Variants in EYS observed in about 807,000 individuals in gnomAD.
The protein encoded by EYS is protein eyes shut homolog.
EYS carries 250 observed loss-of-function variants against 282.1 expected under a neutral mutation model. That is an observed-to-expected ratio of 0.89 (90% CI 0.80 to 0.98). The LOEUF (loss-of-function observed/expected upper bound fraction) is 0.98. Ranked by LOEUF, EYS falls within the 50% of genes least tolerant of loss-of-function variation. EYS has a pLI of 0.00. For synonymous variants in EYS, 1,355 were observed against 1,282.9 expected (o/e 1.06, Z -1.20); for missense variants, 4,016 against 3,709.0 (o/e 1.08, Z -2.15).
At chr6:64,781,663 C>T (rs1171086143) in intron 22 of EYS, among the ~76,000 whole-genome samples, 2 of 151,496 alleles carry the variant, frequency 1.3e-5, no homozygotes, top group Admixed American at 6.6e-5. Flanking sequence ...AGCCCTTGGG[C>T]GTCATGTTGA....
chr6:65,057,870 T>A (rs1773463869), intron 12 of EYS, 143 bp from the exon 13 acceptor site: 3 of 635,014 alleles, frequency 4.7e-6, no homozygotes, highest in South Asian at 1.9e-5. Flanking sequence ...CCACATATAT[T>A]ACTATCAGAA....
intron 1 of EYS, among the ~76,000 whole-genome samples, chr6:65,670,834 T>G (rs1689651735): frequency 6.6e-6 from 1 of 152,094 alleles, no homozygotes; most frequent in Non-Finnish European, 1.5e-5. Context: ...AGCAAGTTAA[T>G]TACAATCCTT....
At chr6:64,632,752 TA>T (rs374520511) in intron 22 of EYS, among the ~76,000 whole-genome samples, 14 of 152,154 alleles carry the variant, frequency 9.2e-5, no homozygotes, top group African/African-American at 3.4e-4. Context: ...AAGTAGGGGA[TA>T]TTCAGTGAAT....
intron 2 of EYS, among the ~76,000 whole-genome samples, chr6:65,568,083 A>C (rs1764341177): frequency 6.6e-6 from 1 of 152,068 alleles, no homozygotes; most frequent in African/African-American, 2.4e-5. Flanking sequence ...GAAGATCAAG[A>C]GTAACAACTC....
intron 13 of EYS, among the ~76,000 whole-genome samples, chr6:65,045,475 T>C (rs1159128079): frequency 6.6e-6 from 1 of 151,882 alleles, no homozygotes; most frequent in African/African-American, 2.4e-5. Flanking sequence ...GATGACATTC[T>C]GAGAGGGAAA....
intron 7 of EYS, among the ~76,000 whole-genome samples, chr6:65,402,057 A>C (rs1215184167): frequency 1.3e-5 from 2 of 152,016 alleles, no homozygotes; most frequent in African/African-American, 2.4e-5. Flanking sequence ...GACCCTAACT[A>C]ATATCTATCT....
chr6:63,943,970 A>AT (rs1765315653), intron 35 of EYS, among the ~76,000 whole-genome samples: 1 of 152,208 alleles, frequency 6.6e-6, no homozygotes, highest in Non-Finnish European at 1.5e-5. Context: ...ACATGCTGTG[A>AT]AGACCATCTA....
intron 22 of EYS, among the ~76,000 whole-genome samples, chr6:64,690,451 C>T (rs980083076): frequency 1.3e-5 from 2 of 152,082 alleles, no homozygotes; most frequent in Non-Finnish European, 2.9e-5. Context: ...CTAGAAATAC[C>T]ATTTGACCCA....
At chr6:65,035,242 A>C (rs1394426701) in intron 13 of EYS, among the ~76,000 whole-genome samples, 1 of 152,018 alleles carries the variant, frequency 6.6e-6, no homozygotes, top group Non-Finnish European at 1.5e-5. Context: ...TATGACAAAC[A>C]CACATCATAC....
intron 24 of EYS, among the ~76,000 whole-genome samples, chr6:64,599,382 G>A (rs915970506): frequency 1.3e-5 from 2 of 152,132 alleles, no homozygotes; most frequent in Non-Finnish European, 2.9e-5. Flanking sequence ...GGAAGGCAGA[G>A]CCTATAATAC....
chr6:64,537,123 C>T (rs1440641512), intron 26 of EYS, among the ~76,000 whole-genome samples: 2 of 150,396 alleles, frequency 1.3e-5, no homozygotes, highest in Non-Finnish European at 3.0e-5. Context: ...CGTCATCTAG[C>T]ATTAGGTATA....
At chr6:64,815,173 C>T (rs1324435879) in intron 21 of EYS, 1 of 432,424 alleles carries the variant, frequency 2.3e-6, no homozygotes, top group Admixed American at 2.6e-5. Context: ...AGTGATAGAA[C>T]TAAGTATGTT....
intron 30 of EYS, among the ~76,000 whole-genome samples, chr6:64,290,773 C>T (rs7758780): frequency 0.72 from 107,963 of 150,826 alleles, 38,843 homozygotes; most frequent in African/African-American, 0.79. Context: ...TCTCTTCATA[C>T]TTCATTGGTG....
intron 2 of EYS, among the ~76,000 whole-genome samples, chr6:65,535,014 C>T (rs1008802664): frequency 2.0e-5 from 3 of 152,108 alleles, no homozygotes; most frequent in Admixed American, 1.3e-4. Flanking sequence ...TTGTATTAGT[C>T]AGGGTTCTCC....
intron 26 of EYS, among the ~76,000 whole-genome samples, chr6:64,494,349 T>C (rs1582819033): frequency 6.6e-6 from 1 of 151,688 alleles, no homozygotes; most frequent in African/African-American, 2.4e-5. Flanking sequence ...ACCTTAGATA[T>C]ATTCTCAGAC....
intron 29 of EYS, among the ~76,000 whole-genome samples, chr6:64,311,866 T>C (rs1769720175): frequency 6.6e-6 from 1 of 152,078 alleles, no homozygotes; most frequent in South Asian, 2.1e-4. Flanking sequence ...TCCCACAGTC[T>C]TCACAACCGG....
chr6:64,296,897 G>T (rs373053888), intron 30 of EYS, among the ~76,000 whole-genome samples: 3 of 152,004 alleles, frequency 2.0e-5, no homozygotes, highest in Non-Finnish European at 4.4e-5. Context: ...GAGCCACCAC[G>T]TCTGGCCTAG....
At position 65,567,719 on chromosome 6, in the gene EYS, A is replaced by G. The variant is rs370551446; in HGVS notation, c.-332-71726T>C. 3.2e-4 allele frequency among the ~76,000 whole-genome samples: 49 copies of G among 152,224 alleles called. 2 individuals are homozygous for G. In the East Asian group the frequency reaches 4.3e-3, roughly 13 times the overall value. On this transcript the variant is annotated intron_variant, in intron 2 of 42. Transcript: ENST00000503581. ...CCAATTAAAATAAATTTTGGTAGTAAAAAAGATAAACCCTAGCGGATTTAT... is the reference window on the plus strand; with the variant it reads ...CCAATTAAAATAAATTTTGGTAGTAGAAAAGATAAACCCTAGCGGATTTAT...
chr6:64,371,277 A>T (rs1054245310), intron 29 of EYS, among the ~76,000 whole-genome samples: 1 of 148,480 alleles, frequency 6.7e-6, no homozygotes, highest in East Asian at 2.0e-4. Flanking sequence ...TTTACCCAGA[A>T]GTCATTCAGG....
Sources: gnomAD v4.1 joint callset for allele counts (sites outside exome capture counted in the v4.1 genomes callset) on GRCh38, gnomAD v4.1.1 for gene constraint, MANE v1.5 for transcripts, NCBI Gene and HGNC (gene_info 2026-07-23, HGNC 2026-07-21) for gene names.